The following CACNA1C variants were observed in gnomAD, a reference collection of about 807,000 sequenced individuals.
The protein encoded by CACNA1C is voltage-dependent L-type calcium channel subunit alpha-1C.
Under a neutral mutation model 229.0 loss-of-function variants are expected in CACNA1C, and 30 were observed. That is an observed-to-expected ratio of 0.13 (90% CI 0.10 to 0.18). The LOEUF is 0.18. Among genes scored for constraint, CACNA1C ranks in the 10% least tolerant of loss-of-function variants. The pLI is 1.00. For synonymous variants in CACNA1C, 1,114 were observed against 1,132.5 expected (o/e 0.98, Z 0.33); for missense variants, 1,658 against 2,845.0 (o/e 0.58, Z 9.49).
At chr12:2,153,681 C>T (rs1336259317) in intron 3 of CACNA1C, among the ~76,000 whole-genome samples, 4 of 152,226 alleles carry the variant, frequency 2.6e-5, no homozygotes, top group Non-Finnish European at 5.9e-5. Context: ...GGCCTCCGCC[C>T]TGCAGTTTTC....
Position 2,479,200 on chromosome 12 carries a change from A to G in CACNA1C, c.758-6904A>G, listed in dbSNP as rs1029390659. On this transcript the variant is annotated intron_variant, in intron 5 of 46. Coordinates refer to ENST00000399655, the MANE Select transcript of CACNA1C (RefSeq NM_000719.7). This position sits in a 1 kb window ranked among gnomAD's most constrained non-coding sequence, Gnocchi z 4.3. ...GAACACCTGTTTTTTTTAAGTTTTT[A>G]AAAATTGTTTTAAATTTTCTTTTTG... is the stretch of plus-strand genomic sequence containing the variant. Among the ~76,000 whole-genome samples the G allele has an allele frequency of 1.3e-5, 2 of 150,726 alleles. No individual in the cohort carries two copies. The highest frequency in any genetic ancestry group is 2.9e-5 in the Non-Finnish European group (2 of 67,980).
At chr12:2,572,637 CCTT>C (rs1426440512) in intron 13 of CACNA1C, among the ~76,000 whole-genome samples, 5 of 136,160 alleles carry the variant, frequency 3.7e-5, no homozygotes, top group African/African-American at 1.4e-4. Flanking sequence ...CTCTCCTCCT[CCTT>C]CTCCTCTTCC....
intron 3 of CACNA1C, among the ~76,000 whole-genome samples, chr12:2,192,987 AT>A (rs1285435506): frequency 2.6e-5 from 4 of 152,190 alleles, no homozygotes; most frequent in African/African-American, 9.7e-5. Context: ...GTTTGAGCAG[AT>A]TTCCCCACCT....
At chr12:2,672,528 C>G (rs1245086993) in intron 38 of CACNA1C, among the ~76,000 whole-genome samples, 1 of 152,166 alleles carries the variant, frequency 6.6e-6, no homozygotes, top group Middle Eastern at 3.2e-3. Flanking sequence ...TGGGGAGAGT[C>G]TGTTCCACCC....
chr12:2,217,238 T>C (rs1242307039), intron 3 of CACNA1C, among the ~76,000 whole-genome samples: 1 of 152,224 alleles, frequency 6.6e-6, no homozygotes, highest in East Asian at 1.9e-4. Context: ...GAATGGTGGT[T>C]GCCAGGGGCT....
At chr12:2,270,468 T>C (rs1020465120) in intron 3 of CACNA1C, among the ~76,000 whole-genome samples, 5 of 152,238 alleles carry the variant, frequency 3.3e-5, no homozygotes, top group Non-Finnish European at 1.5e-5. Flanking sequence ...GTCAATGTTT[T>C]GAGGCTTTTG....
Position 2,504,996 on chromosome 12 carries a change from ATTC to A in CACNA1C, c.1217+54_1217+56del. 1.1e-6 allele frequency: 1 copy of A among 932,856 alleles called. No individual in the cohort carries two copies. The highest frequency in any genetic ancestry group is 1.7e-6 in the Non-Finnish European group (1 of 580,114). The allele number at this position is 932,856 out of a possible 1,614,324, so 57.8% of individuals were successfully genotyped here. ...TTGATTTTTCCATTTATTTTTATTT[ATTC>A]TTTCTGCTATTCCTGGCTGTATTCT... On this transcript the variant is annotated intron_variant, in intron 8 of 46. Coordinates refer to ENST00000399655, the MANE Select transcript of CACNA1C (RefSeq NM_000719.7). This position sits in a 1 kb window ranked among gnomAD's most constrained non-coding sequence, Gnocchi z 6.8.
intron 3 of CACNA1C, among the ~76,000 whole-genome samples, chr12:2,326,206 AG>A (rs1382231318): frequency 6.6e-6 from 1 of 152,180 alleles, no homozygotes; most frequent in African/African-American, 2.4e-5. Context: ...TGGTGCATAA[AG>A]GGGGCAGATA....
At chr12:2,404,395 C>G (rs1306803299) in intron 3 of CACNA1C, among the ~76,000 whole-genome samples, 1 of 152,154 alleles carries the variant, frequency 6.6e-6, no homozygotes, top group Non-Finnish European at 1.5e-5. Context: ...AAAGGCCACC[C>G]TCTTCTTAGG....
At chr12:2,151,362 G>GA (rs537213554) in intron 3 of CACNA1C, among the ~76,000 whole-genome samples, 5,811 of 127,176 alleles carry the variant, frequency 0.046, 316 homozygotes, top group African/African-American at 0.13. Flanking sequence ...AGTGGTAGCT[G>GA]AAAAAAAAAA....
chr12:2,456,642 C>T (rs2099427055), intron 4 of CACNA1C, among the ~76,000 whole-genome samples: 1 of 152,182 alleles, frequency 6.6e-6, no homozygotes, highest in Non-Finnish European at 1.5e-5. Flanking sequence ...TGGGTCCCGC[C>T]CTCACTTCCC....
intron 3 of CACNA1C, among the ~76,000 whole-genome samples, chr12:2,124,355 G>A (rs2088916271): frequency 6.6e-6 from 1 of 152,150 alleles, no homozygotes; most frequent in South Asian, 2.1e-4. Context: ...CTCTCAAGAA[G>A]AGGATGCCAT....
chr12:2,360,173 CACCCCACA>C (rs1567233347), intron 3 of CACNA1C, among the ~76,000 whole-genome samples: 1 of 113,716 alleles, frequency 8.8e-6, no homozygotes, highest in East Asian at 3.2e-4. Context: ...CCCACCCCCC[CACCCCACA>C]CACACACACA....
chr12:2,686,260 T>C lies in CACNA1C; in HGVS notation c.5775T>C (p.Val1925=). ...AGACAGTCCTGCCCTTGCATCTGGT[T>C]CATCATCAGGTAGCTCACACTTTTG... ...SQKTVLPLHL[V]HHQALAVAGL... The change falls in exon 45 of 47, where the codon GTT becomes GTC. Residue 1925 remains valine, a synonymous_variant. Coordinates refer to ENST00000399655, the MANE Select transcript of CACNA1C (RefSeq NM_000719.7). 1.2e-6 allele frequency: 2 copies of C among 1,609,656 alleles called. No individual in the cohort carries two copies. Among genetic ancestry groups the C allele is most frequent in the South Asian group, 2.2e-5 (2 of 90,962 alleles).
intron 3 of CACNA1C, among the ~76,000 whole-genome samples, chr12:2,357,170 A>G (rs530072717): frequency 6.6e-6 from 1 of 152,304 alleles, no homozygotes; most frequent in East Asian, 1.9e-4. Flanking sequence ...TCTTTCCAAG[A>G]TTGGATTTTC....
rs561651880 is a variant in CACNA1C at position 2,639,447 on chromosome 12, G to C, written c.3912+5067G>C. Among the ~76,000 whole-genome samples, 3 of 152,202 alleles carry C rather than the reference G, an allele frequency of 2.0e-5. No homozygotes were observed. In the South Asian group the frequency reaches 6.2e-4, roughly 31 times the overall value. On this transcript the variant is annotated intron_variant, in intron 30 of 46. Coordinates refer to ENST00000399655, the MANE Select transcript of CACNA1C (RefSeq NM_000719.7). The surrounding 1 kb of genome is among the most constrained non-coding windows in gnomAD (Gnocchi z 4.2). ...TTTAAAATATACTGAACAATAGAAA[G>C]TGCTGGGCAGCCTGAATTCCTGCAT...
intron 1 of CACNA1C, among the ~76,000 whole-genome samples, chr12:2,010,433 T>C (rs1188575940): frequency 1.3e-5 from 2 of 152,220 alleles, no homozygotes; most frequent in Non-Finnish European, 2.9e-5. Context: ...AGGTAACCTG[T>C]ACCTTTGAAA....
At chr12:2,596,962 C>T (rs2068560003) in intron 20 of CACNA1C, among the ~76,000 whole-genome samples, 1 of 152,188 alleles carries the variant, frequency 6.6e-6, no homozygotes, top group Admixed American at 6.5e-5. Flanking sequence ...CCAGTACCAG[C>T]TGAGGCATGC....
At chr12:2,224,252 G>T (rs2062264815) in intron 3 of CACNA1C, among the ~76,000 whole-genome samples, 1 of 152,186 alleles carries the variant, frequency 6.6e-6, no homozygotes. Flanking sequence ...AACCTGACTT[G>T]CCACAAGAGG....
Sources: gnomAD v4.1 joint callset for allele counts (sites outside exome capture counted in the v4.1 genomes callset) on GRCh38, gnomAD v4.1.1 for gene constraint, Gnocchi (gnomAD v3.1) non-coding constraint, MANE v1.5 for transcripts, NCBI Gene and HGNC (gene_info 2026-07-23, HGNC 2026-07-21) for gene names.